Variants in BNC2 observed in about 807,000 individuals in gnomAD.
The protein encoded by BNC2 is zinc finger protein basonuclin-2.
A neutral mutation model predicts 76.3 loss-of-function variants in BNC2; 20 were observed. The observed-to-expected ratio is 0.26, with a 90% CI of 0.18 to 0.38. The LOEUF is 0.38. Among genes scored for constraint, BNC2 ranks in the 10% least tolerant of loss-of-function variants. The pLI, the probability that BNC2 is intolerant of heterozygous loss-of-function variation, is 1.00. For missense variants in BNC2, 1,382 were observed against 1,399.8 expected (o/e 0.99, Z 0.20); for synonymous variants, 582 against 514.8 (o/e 1.13, Z -1.77).
At chr9:16,756,744 C>T (rs892242913) in intron 1 of BNC2, among the ~76,000 whole-genome samples, 4 of 152,188 alleles carry the variant, frequency 2.6e-5, no homozygotes, top group African/African-American at 9.7e-5. Flanking sequence ...AATCCCAGCA[C>T]TTTGGGAGGC....
intron 6 of BNC2, among the ~76,000 whole-genome samples, chr9:16,423,316 C>A (rs972351386): frequency 6.6e-6 from 1 of 152,076 alleles, no homozygotes; most frequent in Non-Finnish European, 1.5e-5. Flanking sequence ...TTTCTACTTG[C>A]TTTGATTTGG....
chr9:16,612,072 A>G (rs559574139), intron 3 of BNC2, among the ~76,000 whole-genome samples: 2 of 151,750 alleles, frequency 1.3e-5, no homozygotes, highest in Non-Finnish European at 2.9e-5. Flanking sequence ...AATAACTAGA[A>G]AACAGAAGCA....
At chr9:16,527,549 A>T (rs1163393834) in intron 5 of BNC2, among the ~76,000 whole-genome samples, 1 of 152,196 alleles carries the variant, frequency 6.6e-6, no homozygotes, top group African/African-American at 2.4e-5. Context: ...GGGGTGACTG[A>T]GGAGCTGAAA....
At chr9:16,851,489 G>C (rs542567020) in intron 1 of BNC2, among the ~76,000 whole-genome samples, 12 of 152,258 alleles carry the variant, frequency 7.9e-5, no homozygotes, top group Admixed American at 7.8e-4. Flanking sequence ...CTGGGTGACA[G>C]GGTGAGACCC....
intron 3 of BNC2, among the ~76,000 whole-genome samples, chr9:16,622,171 A>G (rs1019125355): frequency 1.3e-5 from 2 of 152,166 alleles, no homozygotes; most frequent in African/African-American, 4.8e-5. Context: ...AAATTATAAA[A>G]TTTTATCTAG....
intron 5 of BNC2, among the ~76,000 whole-genome samples, chr9:16,457,816 G>A (rs987172330): frequency 2.0e-5 from 3 of 152,206 alleles, no homozygotes; most frequent in Non-Finnish European, 4.4e-5. Context: ...GGCCAACCTG[G>A]CAAGCAGGCC....
intron 5 of BNC2, among the ~76,000 whole-genome samples, chr9:16,487,124 T>C (rs1236105130): frequency 6.6e-6 from 1 of 152,234 alleles, no homozygotes; most frequent in Admixed American, 6.5e-5. Context: ...AGTTACCTGT[T>C]TGCCTAAAGG....
At chr9:16,747,104 GT>G (rs1300761360) in intron 1 of BNC2, among the ~76,000 whole-genome samples, 3 of 152,034 alleles carry the variant, frequency 2.0e-5, no homozygotes, top group Non-Finnish European at 4.4e-5. Context: ...TACTACGAAA[GT>G]ACAGATTATT....
intron 5 of BNC2, among the ~76,000 whole-genome samples, chr9:16,453,288 G>A (rs570856850): frequency 6.6e-6 from 1 of 152,300 alleles, no homozygotes; most frequent in South Asian, 2.1e-4. Context: ...CATGAAGTGA[G>A]TAATTTTCGA....
chr9:16,545,846 T>C (rs1315518966), intron 5 of BNC2, among the ~76,000 whole-genome samples: 2 of 152,104 alleles, frequency 1.3e-5, no homozygotes, highest in Non-Finnish European at 2.9e-5. Context: ...GAATCTACGA[T>C]CCGAGAAAAT....
chr9:16,437,555 C>T (rs930663512), intron 5 of BNC2, 31 bp from the exon 6 acceptor site: 1 of 1,604,926 alleles, frequency 6.2e-7, no homozygotes, highest in African/African-American at 1.3e-5. Context: ...ACAACAAAGA[C>T]AAACACAAAA....
At chr9:16,684,624 T>C (rs1822922294) in intron 3 of BNC2, among the ~76,000 whole-genome samples, 2 of 152,070 alleles carry the variant, frequency 1.3e-5, no homozygotes, top group Admixed American at 6.6e-5. Flanking sequence ...ACTATGCTCA[T>C]CTTATAAGCC....
At chr9:16,849,413 CA>C (rs1220129168) in intron 1 of BNC2, among the ~76,000 whole-genome samples, 26 of 123,474 alleles carry the variant, frequency 2.1e-4, no homozygotes, top group African/African-American at 8.3e-4. Flanking sequence ...GGCTGGAGTA[CA>C]GTGGCGCAAT....
At chr9:16,764,249 A>G (rs1318264262) in intron 1 of BNC2, among the ~76,000 whole-genome samples, 2 of 152,244 alleles carry the variant, frequency 1.3e-5, no homozygotes, top group African/African-American at 2.4e-5. Flanking sequence ...TGACATTTAT[A>G]TTACATTTGA....
At chr9:16,753,082 T>C (rs1191943144) in intron 1 of BNC2, among the ~76,000 whole-genome samples, 1 of 152,238 alleles carries the variant, frequency 6.6e-6, no homozygotes, top group Admixed American at 6.5e-5. Context: ...TGAAACTGTG[T>C]ATTTTAACAG....
intron 5 of BNC2, among the ~76,000 whole-genome samples, chr9:16,550,041 A>C (rs972711705): frequency 2.0e-5 from 3 of 152,024 alleles, no homozygotes; most frequent in Non-Finnish European, 4.4e-5. Context: ...ATAAATGAAA[A>C]TGCTCTCTAT....
chr9:16,616,726 A>C (rs1199293687), intron 3 of BNC2, among the ~76,000 whole-genome samples: 1 of 149,854 alleles, frequency 6.7e-6, no homozygotes, highest in African/African-American at 2.4e-5. Context: ...GAATGAAAGA[A>C]AGGAAGAAAG....
chr9:16,498,046 CATATATATTCCATCATAT>C (rs1361584383), intron 5 of BNC2, among the ~76,000 whole-genome samples: 5 of 141,350 alleles, frequency 3.5e-5, no homozygotes, highest in Admixed American at 1.5e-4. Context: ...TATATTCCAT[CATATATATTCCATCATAT>C]ATATATATTC....
chr9:16,696,449 T>G (rs940512184), intron 3 of BNC2, among the ~76,000 whole-genome samples: 13 of 152,222 alleles, frequency 8.5e-5, no homozygotes, highest in South Asian at 2.1e-4. Context: ...AAAATGTCCC[T>G]ATTTCCTGAT....
Sources: gnomAD v4.1 joint callset for allele counts (sites outside exome capture counted in the v4.1 genomes callset) on GRCh38, gnomAD v4.1.1 for gene constraint, MANE v1.5 for transcripts, NCBI Gene and HGNC (gene_info 2026-07-23, HGNC 2026-07-21) for gene names.